Variants in SYNE1 observed in about 807,000 individuals in gnomAD.
The protein encoded by SYNE1 is nesprin-1.
In SYNE1, 616 loss-of-function variants were observed where a neutral mutation model predicts 1,111.0. The ratio of observed to expected loss-of-function variants is 0.55; its 90% CI spans 0.52 to 0.59. The LOEUF (loss-of-function observed/expected upper bound fraction) is 0.59, where lower values mean the gene tolerates loss of function less well. Among genes scored for constraint, SYNE1 ranks in the 20% least tolerant of loss-of-function variants. The pLI is 0.00. For missense variants in SYNE1, 10,006 were observed against 10,417.0 expected (o/e 0.96, Z 1.72); for synonymous variants, 3,855 against 3,825.8 (o/e 1.01, Z -0.28).
At chr6:152,236,696 A>G (rs1342330058) in intron 109 of SYNE1, 121 bp downstream of exon 109, 81 of 1,225,018 alleles carry the variant, frequency 6.6e-5, no homozygotes, top group East Asian at 2.4e-5. Context: ...TCTCCTTTCA[A>G]TGTCAATAAC....
At position 152,416,979 on chromosome 6, in the gene SYNE1, A is replaced by G; in HGVS notation, c.5458T>C (p.Leu1820=). 1.2e-6 allele frequency: 2 copies of G among 1,614,178 alleles called. No individual in the cohort carries two copies. The highest frequency in any genetic ancestry group is 8.5e-7 in the Non-Finnish European group (1 of 1,180,038). The stretch of plus-strand genomic sequence containing the variant: ...GCTAAGTGACCCTGCAGACTCTGCA[A>G]TTCGCCCTTTTTGCTCTCTACTTCT... The part of the protein sequence containing the change: ...AAEVESKKGE[L]QSLQGHLAKL... The change falls in exon 41 of 146, where the codon TTG becomes CTG. Residue 1820 remains leucine (L), a synonymous_variant. Transcript: ENST00000367255.
intron 118 of SYNE1, among the ~76,000 whole-genome samples, 181 bp downstream of exon 118, chr6:152,221,245 C>T (rs773953556): frequency 1.5e-4 from 23 of 152,162 alleles, no homozygotes; most frequent in Non-Finnish European, 3.4e-4. Context: ...GTGTACAGTA[C>T]TTCTAATTCT....
rs2099690517 is a variant in SYNE1, at chr6:152,628,404, G to A, written c.-73C>T. The A allele has an allele frequency of 1.4e-6, 2 of 1,462,116 alleles. No homozygotes were observed. The highest frequency in any genetic ancestry group is 1.7e-5 in the Admixed American group (1 of 59,790). The allele number at this position is 1,462,116 out of a possible 1,614,324, so 90.6% of individuals were successfully genotyped here. A position where few individuals can be genotyped will look rare whatever the true frequency, so the allele number is the denominator to read the frequency against. On this transcript the variant is annotated 5_prime_UTR_variant, in exon 3 of 146. Coordinates refer to ENST00000367255, the MANE Select transcript of SYNE1 (RefSeq NM_182961.4). ...GGCAGCACAGGGCTACACCACTCTA[G>A]AAAACATGCTTGGACTTTTCTAGAT... is the stretch of plus-strand genomic sequence containing the variant.
Position 152,339,552 on chromosome 6 carries a change from T to C in SYNE1, c.12226-186A>G, listed in dbSNP as rs1190056864. ...AAAAATTTAAATCACCAATGGGGAT[T>C]TATTTGTCCACCATTTGCTTCTCCT... is the stretch of plus-strand genomic sequence containing the variant. On this transcript the variant is annotated intron_variant, in intron 74 of 145. Transcript: ENST00000367255. 2.0e-5 allele frequency among the ~76,000 whole-genome samples: 3 copies of C among 152,258 alleles called. No homozygotes were observed. In the East Asian group the frequency reaches 5.8e-4, roughly 29 times the overall value.
At position 152,330,271 on chromosome 6, in the gene SYNE1, T is replaced by C. The variant is rs1441569544; in HGVS notation, c.14414A>G (p.Asn4805Ser). 1 of 1,614,090 alleles carries C rather than the reference T, an allele frequency of 6.2e-7. No homozygotes were observed. The highest frequency in any genetic ancestry group is 1.7e-5 in the Admixed American group (1 of 60,010). The change falls in exon 78 of 146, where the codon AAT becomes AGT. Residue 4805 changes from asparagine (N) to serine (S), a missense_variant. Around this residue, in one of 7 missense-constraint regions of SYNE1, gnomAD observed 4,955 missense variants for 5,017.2 expected, o/e 0.99. Transcript: ENST00000367255. ...CTCCTCTGCAGGCAGCGTTTCCTCA[T>C]TCACTTTGGACTGCTCCTCTTTTAC... is the stretch of plus-strand genomic sequence containing the variant. ...KSVKEEQSKV[N>S]EETLPAEEKL...
rs214977 is a variant in SYNE1 at position 152,449,300 on chromosome 6, T to C, written c.3504+233A>G. Among the ~76,000 whole-genome samples, 141,868 of 152,314 alleles carry C rather than the reference T, an allele frequency of 0.93. 66,230 individuals carry two copies. The highest frequency in any genetic ancestry group is 1 in the East Asian group (5,169 of 5,186). ...TTTTCCACTCAGGACTCCCCATTAGTTAAAGATGCATTTGTGGCACCACGG... is the reference window on the plus strand; with the variant it reads ...TTTTCCACTCAGGACTCCCCATTAGCTAAAGATGCATTTGTGGCACCACGG... On this transcript the variant is annotated intron_variant, in intron 28 of 145. Transcript: ENST00000367255.
At chr6:152,303,007 T>G (rs547254448) in intron 91 of SYNE1, among the ~76,000 whole-genome samples, 1 of 151,994 alleles carries the variant, frequency 6.6e-6, no homozygotes, top group Non-Finnish European at 1.5e-5. Context: ...ATATTTTAAG[T>G]ATCAAATATT....
At chr6:152,569,463 G>A (rs2099433550) in intron 3 of SYNE1, among the ~76,000 whole-genome samples, 2 of 152,224 alleles carry the variant, frequency 1.3e-5, no homozygotes, top group African/African-American at 4.8e-5. Flanking sequence ...TGCTTATATA[G>A]CTTAGCCCAT....
intron 2 of SYNE1, among the ~76,000 whole-genome samples, chr6:152,629,526 G>GGA (rs2099693627): frequency 1.4e-5 from 1 of 71,068 alleles, no homozygotes; most frequent in East Asian, 7.3e-4. Flanking sequence ...CATTGCCGGG[G>GGA]GGGGGGGGGG....
chr6:152,242,514 A>T, intron 106 of SYNE1, 74 bp from the exon 107 acceptor site: 1 of 1,559,462 alleles, frequency 6.4e-7, no homozygotes, highest in Non-Finnish European at 8.8e-7. Flanking sequence ...TGAACTATGA[A>T]CGCACCAAGC....
At chr6:152,208,958 T>G (rs547517700) in intron 124 of SYNE1, among the ~76,000 whole-genome samples, 1 of 152,300 alleles carries the variant, frequency 6.6e-6, no homozygotes, top group Admixed American at 6.5e-5. Flanking sequence ...TTCTTACCTC[T>G]CTGTTTTCTG....
intron 89 of SYNE1, 104 bp downstream of exon 89, chr6:152,310,291 TA>T (rs1002129137): frequency 1.8e-5 from 27 of 1,497,168 alleles, no homozygotes; most frequent in Admixed American, 3.5e-5. Context: ...AAAAATAAAT[TA>T]AAAAAAATAA....
At chr6:152,339,732 AT>A (rs2096490696) in intron 74 of SYNE1, among the ~76,000 whole-genome samples, 1 of 152,234 alleles carries the variant, frequency 6.6e-6, no homozygotes, top group Non-Finnish European at 1.5e-5. Flanking sequence ...GCTTTTGCAT[AT>A]CTTAGAGACA....
At chr6:152,191,198 T>C (rs1587384360) in intron 127 of SYNE1, among the ~76,000 whole-genome samples, 2 of 151,924 alleles carry the variant, frequency 1.3e-5, no homozygotes, top group African/African-American at 4.8e-5. Flanking sequence ...TATTTTTACA[T>C]AAATGTTCAT....
In SYNE1 at chr6:152,236,262, A is replaced by T; in HGVS notation, c.20241T>A (p.Tyr6747Ter). ...SSLNEYQPKL[Y>*]QVLDDGKRLL... ...GTCGTTTCCCATCATCTAATACTTG[A>T]TATAATTTGGGCTGGTATTCATTAA... is the stretch of plus-strand genomic sequence containing the variant. Residue 6747 changes from tyrosine (Y) to a stop codon, truncating the protein, a stop_gained, in exon 110 of 146, where the codon TAT (tyrosine) becomes TAA (stop). Transcript: ENST00000367255. LOFTEE classifies it high-confidence loss of function. 1 of 1,614,082 alleles carries T rather than the reference A, an allele frequency of 6.2e-7. No homozygotes were observed. Among genetic ancestry groups the T allele is most frequent in the Non-Finnish European group, 8.5e-7 (1 of 1,179,970 alleles).
At chr6:152,319,038 C>A (rs751099102) in intron 84 of SYNE1, 23 bp from the exon 85 acceptor site, 2 of 1,613,342 alleles carry the variant, frequency 1.2e-6, no homozygotes, top group South Asian at 1.1e-5. Flanking sequence ...GTAAGAACAG[C>A]AAAACAAGCC....
At chr6:152,343,214 G>A (rs1324113434) in intron 74 of SYNE1, among the ~76,000 whole-genome samples, 4 of 149,018 alleles carry the variant, frequency 2.7e-5, no homozygotes, top group Non-Finnish European at 4.4e-5. Flanking sequence ...GTGCAGTGGC[G>A]CAATCTTGGC....
At chr6:152,512,574 C>A (rs76828449) in intron 6 of SYNE1, among the ~76,000 whole-genome samples, 4,008 of 152,216 alleles carry the variant, frequency 0.026, 172 homozygotes, top group African/African-American at 0.09. Context: ...TTTCCTTGTG[C>A]ATCATTTTTT....
intron 21 of SYNE1, among the ~76,000 whole-genome samples, chr6:152,459,423 A>C (rs1290035140): frequency 6.6e-6 from 1 of 152,190 alleles, no homozygotes; most frequent in Non-Finnish European, 1.5e-5. Flanking sequence ...CTTCCCAGAC[A>C]GGCCTGTGCT....
Sources: allele counts gnomAD v4.1 joint callset (sites outside exome capture counted in the v4.1 genomes callset), GRCh38; gene constraint gnomAD v4.1.1; regional missense constraint gnomAD v4.1.1; transcripts MANE v1.5; gene names NCBI Gene and HGNC (gene_info 2026-07-23, HGNC 2026-07-21).